Variants in FNBP4 observed in about 807,000 individuals in gnomAD.
FNBP4 encodes formin-binding protein 4.
A neutral mutation model predicts 119.3 loss-of-function variants in FNBP4; 34 were observed. The observed-to-expected ratio is 0.28, with a 90% CI of 0.22 to 0.38. FNBP4 has a LOEUF of 0.38. Among genes scored for constraint, FNBP4 ranks in the 10% least tolerant of loss-of-function variants. The pLI is 1.00. For synonymous variants in FNBP4, 462 were observed against 430.6 expected (o/e 1.07, Z -0.90); for missense variants, 1,112 against 1,228.9 (o/e 0.90, Z 1.42).
Position 47,736,671 on chromosome 11 carries a change from G to A in FNBP4, c.1526C>T (p.Pro509Leu). 1 of 1,604,996 alleles carries A rather than the reference G, an allele frequency of 6.2e-7. No homozygotes were observed. The highest frequency in any genetic ancestry group is 8.5e-7 in the Non-Finnish European group (1 of 1,172,910). Residue 509 changes from proline (P) to leucine (L), a missense_variant, in exon 9 of 17, where the codon CCA (proline) becomes CTA (leucine). Physicochemically the swap from Pro to Leu is moderately conservative, Grantham distance 98. Coordinates refer to ENST00000263773, the MANE Select transcript of FNBP4 (RefSeq NM_015308.5). ...SDKEMEVEESPEKIKVQTTPK... is the reference protein window; with the variant it reads ...SDKEMEVEESLEKIKVQTTPK... ...TGTTGTCTGTACTTTTATTTTCTCT[G>A]GAGATTCTTCTACTTCCATCTCTTT...
At chr11:47,761,931 T>G (rs113907039) in intron 2 of FNBP4, among the ~76,000 whole-genome samples, 1 of 151,368 alleles carries the variant, frequency 6.6e-6, no homozygotes, top group African/African-American at 2.4e-5. Flanking sequence ...CTCTGCCTCC[T>G]GGGTTCAAGC....
chr11:47,744,108 C>T lies in FNBP4; in HGVS notation c.1301G>A (p.Arg434His), dbSNP rs773611843. The T allele has an allele frequency of 4.3e-6, 7 of 1,614,114 alleles. No individual in the cohort carries two copies. The highest frequency in any genetic ancestry group is 2.2e-5 in the South Asian group (2 of 91,080). The change falls in exon 8 of 17, where the codon CGT becomes CAT. Residue 434 changes from arginine to histidine, a missense_variant. Around this residue, in one of 2 missense-constraint regions of FNBP4, gnomAD observed 826 missense variants for 988.8 expected, o/e 0.84. Coordinates refer to ENST00000263773, the MANE Select transcript of FNBP4 (RefSeq NM_015308.5). ...AGATGCTGGCTGGCTGATATCAGAA[C>T]GTGGACTAGACCCTGACACACTACC... The part of the protein sequence containing the change: ...GDGSVSGSSP[R>H]SDISQPASQD...
intron 1 of FNBP4, among the ~76,000 whole-genome samples, chr11:47,765,982 T>C (rs1273976392): frequency 6.7e-6 from 1 of 148,902 alleles, no homozygotes; most frequent in Non-Finnish European, 1.5e-5. Context: ...CACCGTGCCC[T>C]GGAGTCTTTC....
At chr11:47,727,618 A>C (rs1462134770) in intron 12 of FNBP4, among the ~76,000 whole-genome samples, 2 of 152,186 alleles carry the variant, frequency 1.3e-5, no homozygotes, top group Non-Finnish European at 2.9e-5. Flanking sequence ...TTATGAGGTC[A>C]GCACATTACC....
rs957780182 is a variant in FNBP4 at position 47,729,644 on chromosome 11, G to A, written c.2008+1730C>T. ...CCCACCTCAACCTCCCAAACAGCTC[G>A]GACTACAGGCGTGGGCCACTAACTA... is the stretch of plus-strand genomic sequence containing the variant. On this transcript the variant is annotated intron_variant, in intron 12 of 16. Coordinates refer to ENST00000263773, the MANE Select transcript of FNBP4 (RefSeq NM_015308.5). The A allele has an allele frequency of 7.3e-6, 7 of 956,898 alleles. No individual in the cohort carries two copies. The East Asian group carries it at 3.5e-4, about 48-fold the overall frequency. The allele number at this position is 956,898 out of a possible 1,614,324, so 59.3% of individuals were successfully genotyped here.
chr11:47,731,601 T>C (rs2097567563), intron 11 of FNBP4, 40 bp from the exon 12 acceptor site: 2 of 1,572,070 alleles, frequency 1.3e-6, no homozygotes, highest in African/African-American at 2.7e-5. Context: ...TAAAACCCGT[T>C]CTCCTACAAA....
chr11:47,749,200 G>A (rs545168168), intron 6 of FNBP4, among the ~76,000 whole-genome samples: 27 of 152,250 alleles, frequency 1.8e-4, no homozygotes, highest in African/African-American at 5.3e-4. Context: ...GAGCTCAGGA[G>A]AGTAAATCTG....
At position 47,746,417 on chromosome 11, in the gene FNBP4, G is replaced by T. The variant is rs758869559; in HGVS notation, c.907-23C>A. 20 of 1,546,282 alleles carry T rather than the reference G, an allele frequency of 1.3e-5. No homozygotes were observed. In the Admixed American group the frequency reaches 2.3e-4, roughly 18 times the overall value. ...TTCCTATAAAGAACAAAATAATTTA[G>T]TCTCATTTAATTCTGAAACAAATCT... On this transcript the variant is annotated intron_variant, in intron 6 of 16. Coordinates refer to ENST00000263773, the MANE Select transcript of FNBP4 (RefSeq NM_015308.5).
chr11:47,754,400 A>G (rs11039369), intron 3 of FNBP4, 128 bp downstream of exon 3: 97,327 of 873,786 alleles, frequency 0.11, 6,589 homozygotes, highest in Non-Finnish European at 0.14. Context: ...GGAGAAATAC[A>G]AGAGAGTGTT....
chr11:47,754,389 G>A (rs1277534929), intron 3 of FNBP4, 139 bp downstream of exon 3: 17 of 807,062 alleles, frequency 2.1e-5, no homozygotes, highest in South Asian at 5.3e-5. Context: ...GATAGAGATC[G>A]GGAGAAATAC....
At chr11:47,759,208 T>C (rs1435569917) in intron 2 of FNBP4, among the ~76,000 whole-genome samples, 4 of 55,986 alleles carry the variant, frequency 7.1e-5, no homozygotes, top group Non-Finnish European at 1.1e-4. Context: ...GTGTGAGACC[T>C]GCGCCTGGCT....
chr11:47,765,312 T>C lies in FNBP4; in HGVS notation c.271A>G (p.Lys91Glu). The C allele has an allele frequency of 6.2e-7, 1 of 1,612,680 alleles. No homozygotes were observed. The highest frequency in any genetic ancestry group is 8.5e-7 in the Non-Finnish European group (1 of 1,179,652). ...EVPRVVQNPP[K>E]PVMTTRPTAV... ...GTGGGTCTAGTGGTCATGACTGGTT[T>C]TGGAGGATTCTGAACAACTCTAGGA... The change falls in exon 2 of 17, where the codon AAA (lysine) becomes GAA (glutamate). Residue 91 changes from lysine to glutamate, a missense_variant. Physicochemically the swap from Lys to Glu is moderately conservative, Grantham distance 56 (BLOSUM62 1). Transcript: ENST00000263773.
intron 11 of FNBP4, chr11:47,731,847 C>G: frequency 9.1e-7 from 1 of 1,097,294 alleles, no homozygotes; most frequent in Admixed American, 5.0e-5. Flanking sequence ...TTTGCCAATG[C>G]ATAACAGGGT....
In FNBP4 at chr11:47,724,478, A is replaced by T. The variant is rs775709280; in HGVS notation, c.2309T>A (p.Val770Glu). 1.2e-6 allele frequency: 2 copies of T among 1,614,256 alleles called. No individual in the cohort carries two copies. Among genetic ancestry groups the T allele is most frequent in the South Asian group, 1.1e-5 (1 of 91,092 alleles). Reference protein sequence around the residue: ...PLKPSAQTTVVTSQSSVDSTI... With the variant: ...PLKPSAQTTVETSQSSVDSTI... ...AAGGGAATTACTTACCTGGCTAGTT[A>T]CAACTGTGGTTTGTGCTGAAGGTTT... The change falls in exon 13 of 17, where the codon GTA becomes GAA. Residue 770 changes from valine to glutamate, a missense_variant. Val to Glu is a moderately radical substitution (Grantham distance 121). Around this residue, in one of 2 missense-constraint regions of FNBP4, gnomAD observed 826 missense variants for 988.8 expected, o/e 0.84. Coordinates refer to ENST00000263773, the MANE Select transcript of FNBP4 (RefSeq NM_015308.5).
In FNBP4 at chr11:47,716,732, A is replaced by AT. The variant is rs1158745517; in HGVS notation, c.*689dup. ...ACATTCACATAAAGAAAGGAGGTGA[A>AT]TTTTGTTTTGGAACAGGGTTAAGAC... On this transcript the variant is annotated 3_prime_UTR_variant, in exon 17 of 17. Coordinates refer to ENST00000263773, the MANE Select transcript of FNBP4 (RefSeq NM_015308.5). 1.3e-5 allele frequency: 2 copies of AT among 152,630 alleles called. No individual in the cohort carries two copies. Among genetic ancestry groups the AT allele is most frequent in the African/African-American group, 4.8e-5 (2 of 41,432 alleles). 9.5% of individuals were successfully genotyped at this position (152,630 alleles called of 1,614,324 possible).
In FNBP4 at chr11:47,723,300, C is replaced by T. The variant is rs2097557803; in HGVS notation, c.2481G>A (p.Gly827=). The change falls in exon 15 of 17, where the codon GGG becomes GGA. Residue 827 remains glycine, a synonymous_variant. Transcript: ENST00000263773. ...CAATTCCTGTTGCCTGGTTTCCAAT[C>T]CCTGCTGCCTGGTGACCTAACACAG... ...SAIATGHQAA[G]IGNQATGIGH... The T allele has an allele frequency of 6.2e-7, 1 of 1,610,014 alleles. No individual in the cohort carries two copies. The highest frequency in any genetic ancestry group is 8.5e-7 in the Non-Finnish European group (1 of 1,176,966).
intron 8 of FNBP4, among the ~76,000 whole-genome samples, chr11:47,741,731 G>A (rs1429154051): frequency 6.6e-6 from 1 of 151,920 alleles, no homozygotes; most frequent in Non-Finnish European, 1.5e-5. Context: ...CCGGGGAATC[G>A]CTTGAACTCG....
intron 8 of FNBP4, among the ~76,000 whole-genome samples, chr11:47,743,356 A>T (rs558951749): frequency 1.3e-5 from 2 of 152,028 alleles, no homozygotes; most frequent in East Asian, 3.9e-4. Context: ...GGTGGCAGGC[A>T]CCTATAATCC....
intron 16 of FNBP4, among the ~76,000 whole-genome samples, chr11:47,719,576 ATGTGTGTGTGTGTGTGTGTGTG>A (rs66711141): frequency 1.6e-4 from 24 of 147,692 alleles, no homozygotes; most frequent in Non-Finnish European, 3.4e-4. Flanking sequence ...TTATGTGTGT[ATGTGTGTGTGTGTGTGTGTGTG>A]TGTGTGTGTG....
Sources: allele counts gnomAD v4.1 joint callset (sites outside exome capture counted in the v4.1 genomes callset), GRCh38; gene constraint gnomAD v4.1.1; regional missense constraint gnomAD v4.1.1; transcripts MANE v1.5; gene names NCBI Gene and HGNC (gene_info 2026-07-23, HGNC 2026-07-21).